The following SUPT5H variants were observed in gnomAD, a reference collection of about 807,000 sequenced individuals.
The protein encoded by SUPT5H is transcription elongation factor SPT5.
Under a neutral mutation model 142.5 loss-of-function variants are expected in SUPT5H, and 24 were observed. That is an observed-to-expected ratio of 0.17 (90% CI 0.12 to 0.24). SUPT5H has a LOEUF of 0.24. Ranked by LOEUF, SUPT5H falls within the 10% of genes least tolerant of loss-of-function variation. SUPT5H has a pLI of 1.00. For synonymous variants in SUPT5H, 546 were observed against 553.0 expected (o/e 0.99, Z 0.18); for missense variants, 893 against 1,471.8 (o/e 0.61, Z 6.43).
chr19:39,461,181 T>G (rs1047263973), intron 10 of SUPT5H, among the ~76,000 whole-genome samples: 9 of 152,012 alleles, frequency 5.9e-5, no homozygotes, highest in African/African-American at 2.2e-4. Context: ...TCCCAGCTAC[T>G]TGGGAGGCTG....
chr19:39,465,608 A>G (rs1456172557), intron 11 of SUPT5H, among the ~76,000 whole-genome samples: 1 of 152,242 alleles, frequency 6.6e-6, no homozygotes, highest in East Asian at 1.9e-4. Context: ...CGATTATGGC[A>G]TCTAGCAGGT....
rs376241558 is a variant in SUPT5H, at chr19:39,471,598, C to G, written c.1825-7C>G. Reference sequence around the variant, plus strand: ...GTCAAGAGAGTGACCCTTCTCTCCCCGGCTAGGGCCGAGAAGGGGAGATTC... The same window carrying G: ...GTCAAGAGAGTGACCCTTCTCTCCCGGGCTAGGGCCGAGAAGGGGAGATTC... On this transcript the variant is annotated splice_polypyrimidine_tract_variant and splice_region_variant and intron_variant, in intron 19 of 29. Coordinates refer to ENST00000432763, the MANE Select transcript of SUPT5H (RefSeq NM_001111020.3). The G allele has an allele frequency of 6.2e-7, 1 of 1,614,128 alleles. No individual in the cohort carries two copies. Among genetic ancestry groups the G allele is most frequent in the South Asian group, 1.1e-5 (1 of 91,080 alleles).
Position 39,476,468 on chromosome 19 carries a change from G to C in SUPT5H, c.*69G>C, listed in dbSNP as rs140497447. On this transcript the variant is annotated 3_prime_UTR_variant, in exon 30 of 30. Transcript: ENST00000432763. The stretch of plus-strand genomic sequence containing the variant: ...CCTTCCTTCCCTGGCCCTTGGCTGT[G>C]ACACAAGATCCTCCTGCAGGGCTAG... 6.0e-5 allele frequency: 95 copies of C among 1,586,740 alleles called. No individual in the cohort carries two copies. The East Asian group carries it at 2.1e-3, about 34-fold the overall frequency.
In SUPT5H at chr19:39,476,360, C is replaced by A. The variant is rs768519193; in HGVS notation, c.3225C>A (p.Ile1075=). 6.2e-7 allele frequency: 1 copy of A among 1,613,980 alleles called. No homozygotes were observed. Among genetic ancestry groups the A allele is most frequent in the African/African-American group, 1.3e-5 (1 of 74,884 alleles). Residue 1075 remains isoleucine, a synonymous_variant, in exon 30 of 30, where the codon ATC becomes ATA. Transcript: ENST00000432763. ...VRMDLDEQLK[I]LNLRFLGKLL... is the part of the protein sequence containing the mutation. Reference sequence around the variant, plus strand: ...TGGACCTTGATGAGCAGCTCAAGATCCTCAACCTCCGCTTCCTGGGGAAGC... The same window carrying A: ...TGGACCTTGATGAGCAGCTCAAGATACTCAACCTCCGCTTCCTGGGGAAGC...
intron 11 of SUPT5H, among the ~76,000 whole-genome samples, chr19:39,465,648 C>T (rs754101247): frequency 2.4e-4 from 37 of 152,190 alleles, no homozygotes; most frequent in Non-Finnish European, 4.9e-4. Context: ...CACACACATC[C>T]TCCAATGCAC....
intron 10 of SUPT5H, among the ~76,000 whole-genome samples, chr19:39,461,296 G>C (rs1344604390): frequency 6.6e-6 from 1 of 151,158 alleles, no homozygotes; most frequent in Non-Finnish European, 1.5e-5. Context: ...TCTCGGGGTG[G>C]GTAGGGGGTG....
rs149226655 is a variant in SUPT5H at position 39,454,785 on chromosome 19, G to C, written c.241+1264G>C. ...AGAGGGGTTACTTAGAACACATCCT[G>C]CCTCTGTTTTCCTGGGACTGTTTTA... is the stretch of plus-strand genomic sequence containing the variant. On this transcript the variant is annotated intron_variant, in intron 3 of 29. Transcript: ENST00000432763. 1.9e-3 allele frequency among the ~76,000 whole-genome samples: 294 copies of C among 152,286 alleles called. 1 individual carries two copies. Among genetic ancestry groups the C allele is most frequent in the African/African-American group, 6.7e-3 (278 of 41,554 alleles).
At position 39,457,697 on chromosome 19, in the gene SUPT5H, C is replaced by T. The variant is rs752398773; in HGVS notation, c.264C>T (p.Asp88=). ...TAGATGTTGACGATGAGTATGAGGA[C>T]GAGGACCAGTGGGAGGATGGAGCAG... The part of the protein sequence containing the change: ...DEADVDDEYE[D]EDQWEDGAED... Residue 88 remains aspartate (D), a synonymous_variant, in exon 4 of 30, where the codon GAC becomes GAT. Transcript: ENST00000432763. 66 of 1,613,870 alleles carry T rather than the reference C, an allele frequency of 4.1e-5. No homozygotes were observed. Among genetic ancestry groups the T allele is most frequent in the East Asian group, 6.7e-5 (3 of 44,888 alleles).
Position 39,466,599 on chromosome 19 carries a change from G to T in SUPT5H, c.966+30G>T, listed in dbSNP as rs201574398. On this transcript the variant is annotated intron_variant, in intron 12 of 29. Coordinates refer to ENST00000432763, the MANE Select transcript of SUPT5H (RefSeq NM_001111020.3). The surrounding 1 kb of genome is among the most constrained non-coding windows in gnomAD (Gnocchi z 4.3). ...TCAGGGGAATCTGTGGCCTGGGGGGGAGGGAGTGTGCTCGATCCCACTGGT... is the reference window on the plus strand; with the variant it reads ...TCAGGGGAATCTGTGGCCTGGGGGGTAGGGAGTGTGCTCGATCCCACTGGT... 3.7e-6 allele frequency: 6 copies of T among 1,613,012 alleles called. No individual in the cohort carries two copies. The East Asian group carries it at 1.1e-4, about 30-fold the overall frequency.
chr19:39,458,925 G>T lies in SUPT5H; in HGVS notation c.389+38G>T. The T allele has an allele frequency of 1.2e-6, 2 of 1,614,000 alleles. No individual in the cohort carries two copies. The highest frequency in any genetic ancestry group is 1.7e-6 in the Non-Finnish European group (2 of 1,179,874). ...GGGAAACGTGGTGGGATTGGCTCCT[G>T]TGGGGAGATTTGGGAGTAGGTCAGC... On this transcript the variant is annotated intron_variant, in intron 6 of 29. Coordinates refer to ENST00000432763, the MANE Select transcript of SUPT5H (RefSeq NM_001111020.3). This position sits in a 1 kb window ranked among gnomAD's most constrained non-coding sequence, Gnocchi z 4.2.
At position 39,473,721 on chromosome 19, in the gene SUPT5H, T is replaced by C. The variant is rs2079359315; in HGVS notation, c.2492+200T>C. On this transcript the variant is annotated intron_variant, in intron 25 of 29. Coordinates refer to ENST00000432763, the MANE Select transcript of SUPT5H (RefSeq NM_001111020.3). This position sits in a 1 kb window ranked among gnomAD's most constrained non-coding sequence, Gnocchi z 5.8. ...TCCTCTCCATCCCCAACCTCAGTAGTGATTGTGGTTACCCTTGGGCCTGGA... is the reference window on the plus strand; with the variant it reads ...TCCTCTCCATCCCCAACCTCAGTAGCGATTGTGGTTACCCTTGGGCCTGGA... 6.6e-6 allele frequency among the ~76,000 whole-genome samples: 1 copy of C among 152,104 alleles called. No homozygotes were observed. The highest frequency in any genetic ancestry group is 2.1e-4 in the South Asian group (1 of 4,832).
chr19:39,458,528 T>G lies in SUPT5H; in HGVS notation c.319+223T>G. Reference sequence around the variant, plus strand: ...GTGTCTGTCTGGGACTGAGCATTTGTGGGTGGTAGCGATGTGTGGGGTGGG... The same window carrying G: ...GTGTCTGTCTGGGACTGAGCATTTGGGGGTGGTAGCGATGTGTGGGGTGGG... On this transcript the variant is annotated intron_variant, in intron 5 of 29. Coordinates refer to ENST00000432763, the MANE Select transcript of SUPT5H (RefSeq NM_001111020.3). The surrounding 1 kb of genome is among the most constrained non-coding windows in gnomAD (Gnocchi z 4.2). The G allele has an allele frequency of 1.1e-6, 1 of 905,858 alleles. No individual in the cohort carries two copies. Among genetic ancestry groups the G allele is most frequent in the Non-Finnish European group, 1.7e-6 (1 of 596,038 alleles). 56.1% of individuals were successfully genotyped at this position (905,858 alleles called of 1,614,324 possible).
At chr19:39,471,147 G>A (rs1480219739) in intron 18 of SUPT5H, among the ~76,000 whole-genome samples, 1 of 152,152 alleles carries the variant, frequency 6.6e-6, no homozygotes, top group Non-Finnish European at 1.5e-5. Context: ...CTTCCAAAGG[G>A]TGTTTTAGAA....
chr19:39,467,619 C>T (rs2079260419), intron 13 of SUPT5H: 2 of 152,148 alleles, frequency 1.3e-5, no homozygotes, highest in African/African-American at 4.8e-5. Flanking sequence ...GGATGCCCCC[C>T]AGACTCCCTA....
chr19:39,463,295 C>T (rs1295448027), intron 10 of SUPT5H, among the ~76,000 whole-genome samples: 5 of 152,176 alleles, frequency 3.3e-5, no homozygotes, highest in Non-Finnish European at 7.3e-5. Context: ...AGCCACCGCT[C>T]CTGGCCTTTT....
chr19:39,468,625 T>C, intron 13 of SUPT5H, 131 bp from the exon 14 acceptor site: 2 of 719,190 alleles, frequency 2.8e-6, no homozygotes, highest in South Asian at 1.7e-5. Context: ...GCCAAGAGGG[T>C]GTGTGCTGGG....
intron 3 of SUPT5H, among the ~76,000 whole-genome samples, chr19:39,455,004 A>C (rs187376615): frequency 2.6e-5 from 4 of 152,342 alleles, no homozygotes; most frequent in Non-Finnish European, 5.9e-5. Flanking sequence ...TTTAACATGC[A>C]GGAACCCTTT....
Position 39,472,954 on chromosome 19 carries a change from C to T in SUPT5H, c.2155+25C>T. 1.2e-6 allele frequency: 2 copies of T among 1,611,812 alleles called. No homozygotes were observed. The highest frequency in any genetic ancestry group is 1.1e-5 in the South Asian group (1 of 90,998). ...GGTGACCTGCGAGGCCTGTGGAGGC[C>T]TGGGGAGGGGCATGGTGAAGGAGAG... On this transcript the variant is annotated intron_variant, in intron 22 of 29. Coordinates refer to ENST00000432763, the MANE Select transcript of SUPT5H (RefSeq NM_001111020.3). This position sits in a 1 kb window ranked among gnomAD's most constrained non-coding sequence, Gnocchi z 4.2.
chr19:39,469,444 A>T lies in SUPT5H; in HGVS notation c.1374+46A>T, dbSNP rs143631275. 2.6e-5 allele frequency: 42 copies of T among 1,613,162 alleles called. No homozygotes were observed. The East Asian group carries it at 9.4e-4, about 36-fold the overall frequency. On this transcript the variant is annotated intron_variant, in intron 16 of 29. Transcript: ENST00000432763. The surrounding 1 kb of genome is among the most constrained non-coding windows in gnomAD (Gnocchi z 5.1). The stretch of plus-strand genomic sequence containing the variant: ...GGCAGGGGTTGGAGTGTTCAGGCAC[A>T]TCTGACTGTATGTGGCTGTCGAGGC...
Sources: gnomAD v4.1 joint callset for allele counts (sites outside exome capture counted in the v4.1 genomes callset) on GRCh38, gnomAD v4.1.1 for gene constraint, Gnocchi (gnomAD v3.1) non-coding constraint, MANE v1.5 for transcripts, NCBI Gene and HGNC (gene_info 2026-07-23, HGNC 2026-07-21) for gene names.